Variants in PTCH1 observed in about 807,000 individuals in gnomAD.
PTCH1 encodes the protein patched 1.
PTCH1 carries 14 observed loss-of-function variants against 144.6 expected under a neutral mutation model. That is an observed-to-expected ratio of 0.10 (90% CI 0.06 to 0.15). The LOEUF is 0.15. Among genes scored for constraint, PTCH1 ranks in the 10% least tolerant of loss-of-function variants. PTCH1 has a pLI of 1.00. For missense variants in PTCH1, 1,623 were observed against 1,948.3 expected (o/e 0.83, Z 3.14); for synonymous variants, 833 against 793.6 (o/e 1.05, Z -0.83).
rs1327033435 is a variant in PTCH1 at position 95,476,988 on chromosome 9, G to T, written c.1504-131C>A. 1.2e-6 allele frequency: 1 copy of T among 842,128 alleles called. No homozygotes were observed. The highest frequency in any genetic ancestry group is 1.4e-5 in the South Asian group (1 of 69,462). The allele number at this position is 842,128 out of a possible 1,614,324, so 52.2% of individuals were successfully genotyped here. On this transcript the variant is annotated intron_variant, in intron 10 of 23. Transcript: ENST00000331920. This position sits in a 1 kb window ranked among gnomAD's most constrained non-coding sequence, Gnocchi z 4.6. ...AGGGCTTCCGTAACCTCATGGTGAAGAATTCACTTGACGTCCCAAAGCCTA... is the reference window on the plus strand; with the variant it reads ...AGGGCTTCCGTAACCTCATGGTGAATAATTCACTTGACGTCCCAAAGCCTA...
rs571030658 is a variant in PTCH1 at position 95,447,108 on chromosome 9, G to C, written c.4148C>G (p.Pro1383Arg). 1 of 1,613,570 alleles carries C rather than the reference G, an allele frequency of 6.2e-7. No individual in the cohort carries two copies. Among genetic ancestry groups the C allele is most frequent in the South Asian group, 1.1e-5 (1 of 91,066 alleles). The change falls in exon 23 of 24, where the codon CCG (proline) becomes CGG (arginine). Residue 1383 changes from proline to arginine, a missense_variant. Around this residue, in one of 7 missense-constraint regions of PTCH1, gnomAD observed 291 missense variants for 287.4 expected, o/e 1.01. Coordinates refer to ENST00000331920, the MANE Select transcript of PTCH1 (RefSeq NM_000264.5). ...CCGCCCAGGCCCAGGGACAGGCGGC[G>C]GGTGCACGGCGACAGTCACGGAGGC... ...ASASVTVAVH[P>R]PPVPGPGRNP...
rs1269440132 is a variant in PTCH1 at position 95,476,175 on chromosome 9, C to A, written c.1603-16G>T. The A allele has an allele frequency of 8.7e-6, 14 of 1,607,784 alleles. No homozygotes were observed. Among genetic ancestry groups the A allele is most frequent in the African/African-American group, 1.3e-5 (1 of 74,784 alleles). ...CGGTCCTGTCCTGGGAATAAAAAAA[C>A]ACAGCGCTGAGAGCTGCACTGGACA... On this transcript the variant is annotated splice_polypyrimidine_tract_variant and intron_variant, in intron 11 of 23. Transcript: ENST00000331920. This position sits in a 1 kb window ranked among gnomAD's most constrained non-coding sequence, Gnocchi z 4.6.
Position 95,480,410 on chromosome 9 carries a change from G to C in PTCH1, c.925C>G (p.Pro309Ala), listed in dbSNP as rs2118412866. 6.2e-7 allele frequency: 1 copy of C among 1,610,676 alleles called. No individual in the cohort carries two copies. Among genetic ancestry groups the C allele is most frequent in the South Asian group, 1.1e-5 (1 of 90,378 alleles). ...CTCACTTTGGTTGAATTTTTGTTGGGGGCTGTGGCGGGGCAGTCTGGATCG... is the reference window on the plus strand; with the variant it reads ...CTCACTTTGGTTGAATTTTTGTTGGCGGCTGTGGCGGGGCAGTCTGGATCG... ...PADPDCPATA[P>A]NKNSTKPLDM... The change falls in exon 6 of 24, where the codon CCC becomes GCC. Residue 309 changes from proline to alanine, a missense_variant. Physicochemically the swap from Pro to Ala is conservative, Grantham distance 27 (BLOSUM62 -1). This residue lies in a region of PTCH1 where 230 missense variants were observed against 271.0 expected (regional missense o/e 0.85). Transcript: ENST00000331920.
chr9:95,489,331 G>A (rs1251454027), intron 2 of PTCH1, among the ~76,000 whole-genome samples: 6 of 152,096 alleles, frequency 3.9e-5, no homozygotes, highest in Non-Finnish European at 8.8e-5. Flanking sequence ...CATGGTCTTG[G>A]AGAAATAGGT....
chr9:95,448,883 C>T (rs191680130), intron 22 of PTCH1, among the ~76,000 whole-genome samples, 186 bp downstream of exon 22: 115 of 152,296 alleles, frequency 7.6e-4, no homozygotes, highest in Admixed American at 1.1e-3. Context: ...AGGAAGATGG[C>T]ATTTGTATAG....
rs1840325206 is a variant in PTCH1, at chr9:95,469,150, G to A, written c.1851C>T (p.Pro617=). The stretch of plus-strand genomic sequence containing the variant: ...CAACCTGAATCACTCTGCTGACGCA[G>A]GGGCTGAAAGGAGGGGAAACATGTT... The part of the protein sequence containing the change: ...RLDIFCCFTS[P]CVSRVIQVEP... The change falls in exon 14 of 24, where the codon CCC becomes CCT. Residue 617 remains proline, a synonymous_variant. Transcript: ENST00000331920. 1 of 1,614,132 alleles carries A rather than the reference G, an allele frequency of 6.2e-7. No individual in the cohort carries two copies. The highest frequency in any genetic ancestry group is 8.5e-7 in the Non-Finnish European group (1 of 1,180,040).
chr9:95,506,113 G>C (rs1434139452), intron 2 of PTCH1: 1 of 160,996 alleles, frequency 6.2e-6, no homozygotes, highest in African/African-American at 2.4e-5. Context: ...GCGGGCCCGG[G>C]GCCCCCGGCG....
chr9:95,508,027 GGA>G, intron 1 of PTCH1, 132 bp downstream of exon 1: 1 of 1,524,922 alleles, frequency 6.6e-7, no homozygotes. Flanking sequence ...TGCTTTTCCT[GGA>G]GAGGTGTGAG....
rs760216958 is a variant in PTCH1, at chr9:95,447,381, G to A, written c.3875C>T (p.Ser1292Phe). Residue 1292 changes from serine to phenylalanine, a missense_variant, in exon 23 of 24, where the codon TCC (serine) becomes TTC (phenylalanine). Ser to Phe is a radical substitution (Grantham distance 155). Transcript: ENST00000331920. ...PRQQPHLDSG[S>F]LPPGRQGQQP... ...CTGGCCTTGCCGTCCGGGAGGCAGG[G>A]ACCCTGAGTCCAGGTGGGGCTGCTG... 1.2e-6 allele frequency: 2 copies of A among 1,612,764 alleles called. No homozygotes were observed. The highest frequency in any genetic ancestry group is 1.7e-6 in the Non-Finnish European group (2 of 1,179,586).
chr9:95,443,066 G>A lies in PTCH1; in HGVS notation c.*3327C>T, dbSNP rs1837608376. The A allele has an allele frequency of 6.6e-6, 1 of 152,150 alleles. No homozygotes were observed. Among genetic ancestry groups the A allele is most frequent in the African/African-American group, 2.4e-5 (1 of 41,418 alleles). 9.4% of individuals were successfully genotyped at this position (152,150 alleles called of 1,614,324 possible). ...AGTATGCTAAGAGAGATGACAGAAG[G>A]ACTAATTTTGATGGTTAACTTAGGA... On this transcript the variant is annotated 3_prime_UTR_variant, in exon 24 of 24. Coordinates refer to ENST00000331920, the MANE Select transcript of PTCH1 (RefSeq NM_000264.5).
intron 15 of PTCH1, among the ~76,000 whole-genome samples, chr9:95,466,549 G>A (rs1277129456): frequency 1.3e-5 from 2 of 152,100 alleles, no homozygotes; most frequent in Non-Finnish European, 2.9e-5. Flanking sequence ...ACAGTCGAGG[G>A]GGCTGTGTGT....
At chr9:95,450,097 G>GT (rs1299710450) in intron 20 of PTCH1, 157 bp from the exon 21 acceptor site, 1 of 718,692 alleles carries the variant, frequency 1.4e-6, no homozygotes, top group Non-Finnish European at 2.5e-6. Context: ...TCAACACAAG[G>GT]TGAGTTTTTG....
rs186241607 is a variant in PTCH1 at position 95,500,353 on chromosome 9, C to T, written c.394+6054G>A. Among the ~76,000 whole-genome samples, 424 of 152,322 alleles carry T rather than the reference C, an allele frequency of 2.8e-3. 1 individual carries two copies. Among genetic ancestry groups the T allele is most frequent in the Non-Finnish European group, 1.8e-3 (121 of 68,036 alleles). Reference sequence around the variant, plus strand: ...TTCTTTTTTAAACAATCATTGGTGGCTTCTCATTTCCAATCGTTTTTCTCC... The same window carrying T: ...TTCTTTTTTAAACAATCATTGGTGGTTTCTCATTTCCAATCGTTTTTCTCC... On this transcript the variant is annotated intron_variant, in intron 2 of 23. Coordinates refer to ENST00000331920, the MANE Select transcript of PTCH1 (RefSeq NM_000264.5).
chr9:95,481,178 G>C (rs570935564), intron 5 of PTCH1, among the ~76,000 whole-genome samples: 2 of 152,250 alleles, frequency 1.3e-5, no homozygotes, highest in South Asian at 2.1e-4. Context: ...CCTGTTATGT[G>C]GTTCAAACCA....
At chr9:95,453,359 T>C (rs1838636667) in intron 20 of PTCH1, 119 bp downstream of exon 20, 3 of 1,477,186 alleles carry the variant, frequency 2.0e-6, no homozygotes, top group Non-Finnish European at 2.8e-6. Context: ...TTGAACTCCT[T>C]GACCTTCTGA....
At position 95,458,171 on chromosome 9, in the gene PTCH1, G is replaced by C. The variant is rs864622620; in HGVS notation, c.3010C>G (p.Leu1004Val). The change falls in exon 18 of 24, where the codon CTG becomes GTG. Residue 1004 changes from leucine (L) to valine (V), a missense_variant. By Grantham distance (32) the Leu-to-Val change is conservative. Around this residue, in one of 7 missense-constraint regions of PTCH1, gnomAD observed 504 missense variants for 679.3 expected, o/e 0.74. Coordinates refer to ENST00000331920, the MANE Select transcript of PTCH1 (RefSeq NM_000264.5). The surrounding 1 kb of genome is among the most constrained non-coding windows in gnomAD (Gnocchi z 4.7). ...CCGTTGGGGTAACTGGACAGCCCCA[G>C]GCTCGTATAGTTGCTGCAGATGGTC... ...VRTICSNYTS[L>V]GLSSYPNGYP... 6.2e-7 allele frequency: 1 copy of C among 1,614,226 alleles called. No individual in the cohort carries two copies.
chr9:95,506,241 C>A, intron 2 of PTCH1, 166 bp downstream of exon 2: 2 of 744,410 alleles, frequency 2.7e-6, no homozygotes, highest in African/African-American at 1.8e-5. Flanking sequence ...CTTTGTCGGG[C>A]GGGCCTGGCT....
exon 1 of PTCH1, chr9:95,516,659 T>C (rs1844378053): frequency 1.2e-6 from 2 of 1,612,154 alleles, no homozygotes; most frequent in Non-Finnish European, 1.7e-6. Flanking sequence ...CCCTGTCGTC[T>C]TTTTCTTCTC....
chr9:95,491,290 CG>C lies in PTCH1; in HGVS notation c.395-5417del, dbSNP rs1466735365. Among the ~76,000 whole-genome samples the C allele has an allele frequency of 3.9e-5, 6 of 152,296 alleles. No homozygotes were observed. The East Asian group carries it at 7.7e-4, about 20-fold the overall frequency. Reference sequence around the variant, plus strand: ...CCAGACAGGCAGTGAGAATGGAAACCGGAAGACCCCAGCATTGCCACTAGTG... The same window carrying C: ...CCAGACAGGCAGTGAGAATGGAAACCGAAGACCCCAGCATTGCCACTAGTG... On this transcript the variant is annotated intron_variant, in intron 2 of 23. Coordinates refer to ENST00000331920, the MANE Select transcript of PTCH1 (RefSeq NM_000264.5).
Sources: gnomAD v4.1 joint callset for allele counts (sites outside exome capture counted in the v4.1 genomes callset) on GRCh38, gnomAD v4.1.1 for gene constraint, gnomAD v4.1.1 regional missense constraint, Gnocchi (gnomAD v3.1) non-coding constraint, MANE v1.5 for transcripts, NCBI Gene and HGNC (gene_info 2026-07-23, HGNC 2026-07-21) for gene names.